RO60: variants seen among roughly 807,000 people sequenced by gnomAD.
RO60 encodes RNA-binding protein RO60.
A neutral mutation model predicts 55.3 loss-of-function variants in RO60; 20 were observed. The ratio of observed to expected loss-of-function variants is 0.36; its 90% CI spans 0.25 to 0.53. RO60 has a LOEUF of 0.53. RO60 is among the 20% of genes least tolerant of loss of function. The pLI, the probability that RO60 is intolerant of heterozygous loss-of-function variation, is 0.92. For synonymous variants in RO60, 213 were observed against 213.6 expected, an observed-to-expected ratio of 1.00 and a Z score of 0.02; for missense variants, 558 against 646.6, an observed-to-expected ratio of 0.86 and a Z score of 1.49.
chr1:193,085,847 C>G lies in RO60; in HGVS notation c.*1116C>G, dbSNP rs1674602927. ...AAGGCAATTTTTGAGTAGCATATTA[C>G]CAGCTAGCCAGTCACTAGGAATTTT... On this transcript the variant is annotated 3_prime_UTR_variant, in exon 9 of 9. Transcript: ENST00000400968. The G allele has an allele frequency of 6.1e-6, 6 of 985,018 alleles. No individual in the cohort carries two copies. In the South Asian group the frequency reaches 2.8e-4, roughly 46 times the overall value. 61.0% of individuals were successfully genotyped at this position (985,018 alleles called of 1,614,324 possible).
intron 6 of RO60, 47 bp downstream of exon 6, chr1:193,081,527 G>A (rs760628754): frequency 6.8e-6 from 7 of 1,036,920 alleles, no homozygotes; most frequent in South Asian, 2.7e-5. Context: ...CATGTTTACT[G>A]TAGAGCAAAA....
chr1:193,081,929 T>G (rs1674343047), intron 6 of RO60, among the ~76,000 whole-genome samples: 1 of 152,196 alleles, frequency 6.6e-6, no homozygotes, highest in Non-Finnish European at 1.5e-5. Flanking sequence ...TTAGCTTCTT[T>G]ACTGGGGCTT....
chr1:193,071,745 CCT>C (rs1311781666), intron 2 of RO60, among the ~76,000 whole-genome samples: 2 of 147,400 alleles, frequency 1.4e-5, no homozygotes, highest in Admixed American at 1.4e-4. Flanking sequence ...TATATATACA[CCT>C]ATATATTGTA....
Position 193,085,010 on chromosome 1 carries a change from T to C in RO60, c.*279T>C. 1 of 1,544,874 alleles carries C rather than the reference T, an allele frequency of 6.5e-7. No individual in the cohort carries two copies. The highest frequency in any genetic ancestry group is 8.7e-7 in the Non-Finnish European group (1 of 1,145,402). On this transcript the variant is annotated 3_prime_UTR_variant, in exon 9 of 9. Coordinates refer to ENST00000400968, the MANE Select transcript of RO60 (RefSeq NM_001173524.2). The stretch of plus-strand genomic sequence containing the variant: ...ACAGACACTGTAAAATAGTTTTGCT[T>C]TGTTGAATAATACGTGTGTACCTAA...
At chr1:193,074,461 T>C (rs1295004793) in intron 2 of RO60, among the ~76,000 whole-genome samples, 1 of 152,226 alleles carries the variant, frequency 6.6e-6, no homozygotes, top group Non-Finnish European at 1.5e-5. Context: ...TCATTGTGGT[T>C]TTGAATTGCA....
chr1:193,090,465 A>T lies in RO60; in HGVS notation c.*5734A>T, dbSNP rs1674815617. ...GACTCTCTATATCTGGTATGGCGTGACTGGGCATAACTTCTGTAATGTATT... is the reference window on the plus strand; with the variant it reads ...GACTCTCTATATCTGGTATGGCGTGTCTGGGCATAACTTCTGTAATGTATT... On this transcript the variant is annotated 3_prime_UTR_variant, in exon 9 of 9. Transcript: ENST00000400968. 6.6e-6 allele frequency: 1 copy of T among 151,314 alleles called. No homozygotes were observed. The highest frequency in any genetic ancestry group is 2.4e-5 in the African/African-American group (1 of 41,132). 9.4% of individuals were successfully genotyped at this position (151,314 alleles called of 1,614,324 possible). A position where few individuals can be genotyped will look rare whatever the true frequency, so the allele number is the denominator to read the frequency against.
chr1:193,081,883 A>G (rs1674338729), intron 6 of RO60, among the ~76,000 whole-genome samples: 1 of 152,196 alleles, frequency 6.6e-6, no homozygotes, highest in African/African-American at 2.4e-5. Context: ...CTATCCTGTC[A>G]GTGAATAACA....
At chr1:193,076,214 G>A (rs370731335) in intron 3 of RO60, among the ~76,000 whole-genome samples, 174 bp downstream of exon 3, 18 of 152,058 alleles carry the variant, frequency 1.2e-4, no homozygotes, top group Middle Eastern at 6.8e-3. Context: ...ACATGATGTA[G>A]GTGGCATTTG....
At chr1:193,079,372 A>C (rs1301977113) in intron 5 of RO60, among the ~76,000 whole-genome samples, 1 of 152,166 alleles carries the variant, frequency 6.6e-6, no homozygotes, top group Non-Finnish European at 1.5e-5. Context: ...TACAGGCGTG[A>C]ACCACTGCAT....
At chr1:193,070,086 G>A (rs530335434) in intron 2 of RO60, among the ~76,000 whole-genome samples, 11 of 149,698 alleles carry the variant, frequency 7.3e-5, no homozygotes, top group Non-Finnish European at 1.5e-4. Context: ...GTACACAGCT[G>A]TTCCTTAAGA....
At chr1:193,065,127 G>A (rs1184911439) in intron 1 of RO60, among the ~76,000 whole-genome samples, 1 of 152,060 alleles carries the variant, frequency 6.6e-6, no homozygotes, top group African/African-American at 2.4e-5. Context: ...TGTGTTATGG[G>A]AAAGAGAAAC....
At chr1:193,084,092 C>T (rs560503324) in intron 8 of RO60, among the ~76,000 whole-genome samples, 1 of 152,280 alleles carries the variant, frequency 6.6e-6, no homozygotes, top group South Asian at 2.1e-4. Flanking sequence ...TGGTTTTTCT[C>T]AAAAATTCAA....
chr1:193,066,097 A>T (rs528621178), intron 1 of RO60, among the ~76,000 whole-genome samples: 14 of 152,206 alleles, frequency 9.2e-5, no homozygotes, highest in African/African-American at 3.1e-4. Context: ...CTTCAAATCT[A>T]TCTTTACCTA....
chr1:193,085,723 A>G lies in RO60; in HGVS notation c.*992A>G, dbSNP rs181647269. 5.8e-5 allele frequency: 57 copies of G among 983,544 alleles called. No homozygotes were observed. Among genetic ancestry groups the G allele is most frequent in the African/African-American group, 2.1e-4 (12 of 57,270 alleles). 60.9% of individuals were successfully genotyped at this position (983,544 alleles called of 1,614,324 possible). ...TTAGTTAATATTTTTAAAAGTATAC[A>G]TGTCAATGGCCTCTTTGTCCATTAT... On this transcript the variant is annotated 3_prime_UTR_variant, in exon 9 of 9. Coordinates refer to ENST00000400968, the MANE Select transcript of RO60 (RefSeq NM_001173524.2).
chr1:193,091,536 C>A, downstream of RO60: 1 of 834,246 alleles, frequency 1.2e-6, no homozygotes, highest in Non-Finnish European at 1.9e-6. Flanking sequence ...ATACAACTAA[C>A]AATGTAATTT....
Position 193,085,216 on chromosome 1 carries a change from T to TTA in RO60, c.*485_*486insTA. The TTA allele has an allele frequency of 1.1e-6, 1 of 932,472 alleles. No individual in the cohort carries two copies. Among genetic ancestry groups the TTA allele is most frequent in the Non-Finnish European group, 1.4e-6 (1 of 740,638 alleles). 57.8% of individuals were successfully genotyped at this position (932,472 alleles called of 1,614,324 possible). ...TCTGTAAACTTTTATACCAAGGGGG[T>TTA]AAAAAAAAAAACTAAGGCATTTGAT... is the stretch of plus-strand genomic sequence containing the variant. On this transcript the variant is annotated 3_prime_UTR_variant, in exon 9 of 9. Coordinates refer to ENST00000400968, the MANE Select transcript of RO60 (RefSeq NM_001173524.2).
Position 193,061,077 on chromosome 1 carries a change from T to C in RO60, c.-22+1301T>C, listed in dbSNP as rs80225286. ...AAGTAAGCAGAGAAGGGGGTTAAGA[T>C]GCCTTTCATTATGTTAACGTTTAAT... On this transcript the variant is annotated intron_variant, in intron 1 of 8. Transcript: ENST00000400968. 3.2e-3 allele frequency among the ~76,000 whole-genome samples: 488 copies of C among 152,348 alleles called. 5 individuals carry two copies. Among genetic ancestry groups the C allele is most frequent in the East Asian group, 0.03 (158 of 5,186 alleles).
In RO60 at chr1:193,085,457, T is replaced by C. The variant is rs1674584383; in HGVS notation, c.*726T>C. ...TCTATTTGGTTTGCTTTTTTTTTTT[T>C]GCTTTGTTATATTTTATTGCTACAA... On this transcript the variant is annotated 3_prime_UTR_variant, in exon 9 of 9. Transcript: ENST00000400968. 1.6e-5 allele frequency: 16 copies of C among 981,722 alleles called. No individual in the cohort carries two copies. Among genetic ancestry groups the C allele is most frequent in the Non-Finnish European group, 1.9e-5 (16 of 826,964 alleles). 60.8% of individuals were successfully genotyped at this position (981,722 alleles called of 1,614,324 possible). A position where few individuals can be genotyped will look rare whatever the true frequency, so the allele number is the denominator to read the frequency against.
Position 193,076,056 on chromosome 1 carries a change from G to A in RO60, c.801+16G>A. The A allele has an allele frequency of 6.5e-7, 1 of 1,541,032 alleles. No individual in the cohort carries two copies. Among genetic ancestry groups the A allele is most frequent in the Non-Finnish European group, 8.9e-7 (1 of 1,128,442 alleles). On this transcript the variant is annotated intron_variant, in intron 3 of 8. Coordinates refer to ENST00000400968, the MANE Select transcript of RO60 (RefSeq NM_001173524.2). ...GTCTAAAGAGGTGAGTGAATTATAT[G>A]TTACAGCATGTGATTAAACATGAGT...
Sources: gnomAD v4.1 joint callset for allele counts (sites outside exome capture counted in the v4.1 genomes callset) on GRCh38, gnomAD v4.1.1 for gene constraint, MANE v1.5 for transcripts, NCBI Gene and HGNC (gene_info 2026-07-23, HGNC 2026-07-21) for gene names.